The following NKAIN3 variants were observed in gnomAD, a reference collection of about 807,000 sequenced individuals.
NKAIN3 encodes sodium/potassium transporting ATPase interacting 3.
In NKAIN3, 25 loss-of-function variants were observed where a neutral mutation model predicts 30.2. The observed-to-expected ratio is 0.83, with a 90% CI of 0.60 to 1.16. NKAIN3 has a LOEUF of 1.16. NKAIN3 is among the 50% of genes most tolerant of loss of function. The pLI is 0.00. For missense variants in NKAIN3, 225 were observed against 254.1 expected (o/e 0.89, Z 0.78); for synonymous variants, 91 against 89.6 (o/e 1.02, Z -0.09).
intron 1 of NKAIN3, among the ~76,000 whole-genome samples, chr8:62,539,261 A>G (rs1031471681): frequency 7.9e-5 from 12 of 152,244 alleles, no homozygotes; most frequent in African/African-American, 2.9e-4. Flanking sequence ...TTGAAAGATA[A>G]CTCAGTAGAA....
intron 1 of NKAIN3, among the ~76,000 whole-genome samples, chr8:62,420,176 G>T (rs1349558): frequency 6.6e-6 from 1 of 151,960 alleles, no homozygotes; most frequent in Non-Finnish European, 1.5e-5. Flanking sequence ...TATGAGTCAC[G>T]TGTGTGAGAA....
At chr8:62,401,505 C>T (rs530165930) in intron 1 of NKAIN3, among the ~76,000 whole-genome samples, 17 of 152,160 alleles carry the variant, frequency 1.1e-4, no homozygotes, top group African/African-American at 3.6e-4. Flanking sequence ...TTATCATTAT[C>T]GAGGCATTGA....
intron 3 of NKAIN3, among the ~76,000 whole-genome samples, chr8:62,672,482 G>A (rs1485471712): frequency 1.3e-5 from 2 of 152,190 alleles, no homozygotes; most frequent in African/African-American, 4.8e-5. Flanking sequence ...TGCCAGCTAT[G>A]AGAAAAGCCA....
At chr8:62,383,017 G>A (rs1817323295) in intron 1 of NKAIN3, among the ~76,000 whole-genome samples, 1 of 152,092 alleles carries the variant, frequency 6.6e-6, no homozygotes, top group Non-Finnish European at 1.5e-5. Flanking sequence ...AGTGTACCAT[G>A]TTTAATGAGC....
At chr8:62,448,488 A>C (rs78116623) in intron 1 of NKAIN3, among the ~76,000 whole-genome samples, 1 of 150,600 alleles carries the variant, frequency 6.6e-6, no homozygotes. Context: ...AAAAAAAAAA[A>C]AAGATAAAAA....
At chr8:62,434,255 G>GA (rs1288412566) in intron 1 of NKAIN3, among the ~76,000 whole-genome samples, 2 of 152,108 alleles carry the variant, frequency 1.3e-5, no homozygotes, top group Non-Finnish European at 2.9e-5. Flanking sequence ...TCACAAAGTT[G>GA]AGCAGCATTT....
At chr8:62,678,403 C>T (rs900785028) in intron 3 of NKAIN3, among the ~76,000 whole-genome samples, 2 of 152,072 alleles carry the variant, frequency 1.3e-5, no homozygotes, top group East Asian at 1.9e-4. Flanking sequence ...ATGCAATCTT[C>T]GAAATAGATG....
intron 4 of NKAIN3, among the ~76,000 whole-genome samples, chr8:62,848,090 A>T (rs1445592660): frequency 6.6e-6 from 1 of 152,094 alleles, no homozygotes; most frequent in African/African-American, 2.4e-5. Context: ...AGCCTTTAGT[A>T]TAGTTTGAAG....
chr8:62,488,474 A>G (rs1225800600), intron 1 of NKAIN3, among the ~76,000 whole-genome samples: 1 of 152,162 alleles, frequency 6.6e-6, no homozygotes, highest in African/African-American at 2.4e-5. Flanking sequence ...TTGACAGCTA[A>G]AATCCTTTCT....
chr8:62,678,671 C>CATTGATAATATATCATATTAT (rs1813555638), intron 3 of NKAIN3, among the ~76,000 whole-genome samples: 1 of 149,812 alleles, frequency 6.7e-6, no homozygotes, highest in Non-Finnish European at 1.5e-5. Flanking sequence ...TATATCATTA[C>CATTGATAATATATCATATTAT]ATTGATAATA....
intron 3 of NKAIN3, among the ~76,000 whole-genome samples, chr8:62,616,166 C>A (rs1200018925): frequency 1.3e-5 from 2 of 151,914 alleles, no homozygotes; most frequent in Non-Finnish European, 2.9e-5. Context: ...TGACTCTAAC[C>A]CATTCTCCAA....
At chr8:62,803,454 A>C (rs1563569503) in intron 4 of NKAIN3, among the ~76,000 whole-genome samples, 1 of 152,242 alleles carries the variant, frequency 6.6e-6, no homozygotes, top group Non-Finnish European at 1.5e-5. Flanking sequence ...CTCAGGATTC[A>C]GAAACTCACT....
At chr8:62,563,204 A>AT (rs1275321834) in intron 1 of NKAIN3, among the ~76,000 whole-genome samples, 4 of 152,232 alleles carry the variant, frequency 2.6e-5, no homozygotes, top group Middle Eastern at 3.4e-3. Flanking sequence ...CTATAACTGC[A>AT]TTTTTTAAGG....
intron 4 of NKAIN3, among the ~76,000 whole-genome samples, chr8:62,815,729 A>T (rs554651243): frequency 6.6e-6 from 1 of 152,164 alleles, no homozygotes; most frequent in African/African-American, 2.4e-5. Flanking sequence ...TCAAAATAAT[A>T]AGAGCTATCT....
At chr8:62,997,060 G>T (rs1462940682) in intron 5 of NKAIN3, among the ~76,000 whole-genome samples, 1 of 152,178 alleles carries the variant, frequency 6.6e-6, no homozygotes, top group East Asian at 1.9e-4. Flanking sequence ...TCTGTGTGGG[G>T]GCTCCAGCGC....
chr8:62,551,600 G>A (rs1305484289), intron 1 of NKAIN3, among the ~76,000 whole-genome samples: 2 of 152,186 alleles, frequency 1.3e-5, no homozygotes, highest in African/African-American at 2.4e-5. Context: ...AGGTCAGAGA[G>A]GACAAAACAC....
At chr8:62,768,996 T>C (rs981945401) in intron 4 of NKAIN3, among the ~76,000 whole-genome samples, 6 of 152,214 alleles carry the variant, frequency 3.9e-5, no homozygotes, top group African/African-American at 1.2e-4. Flanking sequence ...ACATCCATGA[T>C]AAATTATGCC....
chr8:62,579,454 A>G (rs1371178938), intron 1 of NKAIN3, 85 bp from the exon 2 acceptor site: 5 of 1,024,186 alleles, frequency 4.9e-6, no homozygotes, highest in Admixed American at 2.7e-5. Flanking sequence ...TTGAATATGC[A>G]GACTCCTCCA....
chr8:62,827,350 G>A (rs1196027587), intron 4 of NKAIN3, among the ~76,000 whole-genome samples: 2 of 152,142 alleles, frequency 1.3e-5, no homozygotes, highest in African/African-American at 4.8e-5. Flanking sequence ...CAGTTTATAT[G>A]TCAAGTGTGC....
Sources: allele counts gnomAD v4.1 joint callset (sites outside exome capture counted in the v4.1 genomes callset), GRCh38; gene constraint gnomAD v4.1.1; transcripts MANE v1.5; gene names NCBI Gene and HGNC (gene_info 2026-07-23, HGNC 2026-07-21).